RAD51B: variants seen among roughly 807,000 people sequenced by gnomAD.
RAD51B encodes RAD51 paralog B.
RAD51B carries 38 observed loss-of-function variants against 42.2 expected under a neutral mutation model. The observed-to-expected ratio is 0.90, with a 90% CI of 0.70 to 1.18. The LOEUF (loss-of-function observed/expected upper bound fraction) is 1.18, where lower values mean the gene tolerates loss of function less well. Among genes scored for constraint, RAD51B ranks in the 50% most tolerant of loss-of-function variants. RAD51B has a pLI of 0.00. For synonymous variants in RAD51B, 154 were observed against 145.2 expected (o/e 1.06, Z -0.43); for missense variants, 373 against 400.7 (o/e 0.93, Z 0.59).
intron 10 of RAD51B, among the ~76,000 whole-genome samples, chr14:68,554,481 C>T (rs189198314): frequency 1.6e-4 from 24 of 152,102 alleles, no homozygotes; most frequent in Admixed American, 5.2e-4. Context: ...CCCCACATGC[C>T]GACACAGCTG....
At chr14:68,244,842 A>C (rs2080462479) in intron 7 of RAD51B, among the ~76,000 whole-genome samples, 1 of 152,194 alleles carries the variant, frequency 6.6e-6, no homozygotes, top group Non-Finnish European at 1.5e-5. Context: ...GTAGTCTTGT[A>C]CATGGATTTC....
rs1319642995 is a variant in RAD51B at position 67,948,341 on chromosome 14, T to C, written c.756+61137T>C. Among the ~76,000 whole-genome samples, 4 of 152,314 alleles carry C rather than the reference T, an allele frequency of 2.6e-5. No homozygotes were observed. In the South Asian group the frequency reaches 8.3e-4, roughly 32 times the overall value. On this transcript the variant is annotated intron_variant, in intron 7 of 10. Coordinates refer to ENST00000471583, the MANE Select transcript of RAD51B (RefSeq NM_133510.4). ...GCTGCCTCCCTATTTCCTACAAATA[T>C]ACAGTGAACTCTGGATGTCTTCTGG...
chr14:68,327,432 C>T (rs1007460532), intron 8 of RAD51B, among the ~76,000 whole-genome samples: 17 of 145,852 alleles, frequency 1.2e-4, no homozygotes, highest in Non-Finnish European at 1.8e-4. Flanking sequence ...TTTCTGTCTA[C>T]TGCTTTCTCC....
At chr14:68,312,257 G>A (rs940456658) in intron 8 of RAD51B, among the ~76,000 whole-genome samples, 2 of 152,208 alleles carry the variant, frequency 1.3e-5, no homozygotes, top group South Asian at 4.1e-4. Flanking sequence ...GAGCAAAATC[G>A]CAGTTCCCTA....
intron 10 of RAD51B, among the ~76,000 whole-genome samples, chr14:68,491,968 C>T (rs1343391950): frequency 1.3e-5 from 2 of 152,240 alleles, no homozygotes; most frequent in African/African-American, 2.4e-5. Flanking sequence ...TCCAGCGGCA[C>T]CTGCTTCTTC....
intron 4 of RAD51B, among the ~76,000 whole-genome samples, chr14:67,843,981 C>G (rs1390970866): frequency 6.6e-6 from 1 of 151,968 alleles, no homozygotes; most frequent in Non-Finnish European, 1.5e-5. Context: ...CTGATATGGG[C>G]TTTTAACAGT....
At chr14:68,527,569 T>C (rs1392009809) in intron 10 of RAD51B, among the ~76,000 whole-genome samples, 2 of 152,220 alleles carry the variant, frequency 1.3e-5, no homozygotes, top group Non-Finnish European at 2.9e-5. Flanking sequence ...CACACCCAGA[T>C]TTGTGTTTTG....
intron 10 of RAD51B, among the ~76,000 whole-genome samples, chr14:68,648,072 T>TACAC (rs1441368260): frequency 8.8e-6 from 1 of 113,420 alleles, no homozygotes; most frequent in Non-Finnish European, 1.8e-5. Flanking sequence ...TATATATATA[T>TACAC]ACACGTATAT....
At chr14:68,065,126 C>T (rs1027811844) in intron 7 of RAD51B, among the ~76,000 whole-genome samples, 3 of 152,156 alleles carry the variant, frequency 2.0e-5, no homozygotes, top group African/African-American at 7.2e-5. Flanking sequence ...GGAAGACTTT[C>T]ACCTGCAGAT....
intron 10 of RAD51B, among the ~76,000 whole-genome samples, chr14:68,471,808 C>A (rs990732235): frequency 3.9e-5 from 6 of 152,132 alleles, no homozygotes; most frequent in Admixed American, 2.0e-4. Flanking sequence ...TTTGCATCTC[C>A]TTTGTCTGTC....
At chr14:68,378,958 T>C (rs1252542691) in intron 8 of RAD51B, among the ~76,000 whole-genome samples, 1 of 152,248 alleles carries the variant, frequency 6.6e-6, no homozygotes, top group Admixed American at 6.5e-5. Context: ...TTGCTTCATA[T>C]CTTCTGATTC....
chr14:68,172,921 T>C (rs1160329091), intron 7 of RAD51B, among the ~76,000 whole-genome samples: 2 of 152,240 alleles, frequency 1.3e-5, no homozygotes, highest in Admixed American at 1.3e-4. Context: ...AGGTCTCTTA[T>C]TATTGAGTGT....
At chr14:67,893,492 ACACACACACACACAC>A (rs1443506991) in intron 7 of RAD51B, among the ~76,000 whole-genome samples, 5 of 81,232 alleles carry the variant, frequency 6.2e-5, no homozygotes, top group Middle Eastern at 5.5e-3. Flanking sequence ...ACACACACAC[ACACACACACACACAC>A]ACAAAAAAAA....
At chr14:67,961,188 T>C (rs1217682314) in intron 7 of RAD51B, among the ~76,000 whole-genome samples, 1 of 151,974 alleles carries the variant, frequency 6.6e-6, no homozygotes, top group East Asian at 1.9e-4. Context: ...TTTATTTTTA[T>C]AGAGGCAGAG....
intron 4 of RAD51B, among the ~76,000 whole-genome samples, chr14:67,859,805 A>G (rs1311736465): frequency 6.6e-6 from 1 of 152,204 alleles, no homozygotes; most frequent in East Asian, 1.9e-4. Context: ...CATAGGAAAC[A>G]ATATGGCAAC....
At chr14:68,623,790 C>T (rs77375308) in intron 10 of RAD51B, among the ~76,000 whole-genome samples, 5,299 of 152,310 alleles carry the variant, frequency 0.035, 280 homozygotes, top group African/African-American at 0.12. Flanking sequence ...CCAGTAGGGC[C>T]GGTAAGGCTT....
chr14:68,315,119 A>C (rs1409608918), intron 8 of RAD51B, among the ~76,000 whole-genome samples: 1 of 152,210 alleles, frequency 6.6e-6, no homozygotes, highest in Non-Finnish European at 1.5e-5. Flanking sequence ...TGAGCTCCCG[A>C]AGCACTGATC....
chr14:68,204,136 G>A (rs920697854), intron 7 of RAD51B, among the ~76,000 whole-genome samples: 5 of 152,216 alleles, frequency 3.3e-5, no homozygotes, highest in African/African-American at 1.2e-4. Context: ...CTTCCTGCCT[G>A]ATTCAGCTTT....
intron 7 of RAD51B, among the ~76,000 whole-genome samples, chr14:68,086,708 A>G (rs1408080805): frequency 6.6e-6 from 1 of 152,168 alleles, no homozygotes; most frequent in East Asian, 1.9e-4. Flanking sequence ...CTTAGGATGG[A>G]TACCCTCCAA....
Sources: gnomAD v4.1 joint callset for allele counts (sites outside exome capture counted in the v4.1 genomes callset) on GRCh38, gnomAD v4.1.1 for gene constraint, MANE v1.5 for transcripts, NCBI Gene and HGNC (gene_info 2026-07-23, HGNC 2026-07-21) for gene names.